NEFH: variants seen among roughly 807,000 people sequenced by gnomAD.
NEFH encodes neurofilament heavy polypeptide.
NEFH carries 58 observed loss-of-function variants against 56.6 expected under a neutral mutation model. The ratio of observed to expected loss-of-function variants is 1.03; its 90% CI spans 0.83 to 1.28. The LOEUF is 1.28. NEFH is among the 50% of genes most tolerant of loss of function. The pLI is 0.00. For missense variants in NEFH, 1,221 were observed against 1,307.6 expected (o/e 0.93, Z 1.02); for synonymous variants, 542 against 545.8 (o/e 0.99, Z 0.10).
intron 1 of NEFH, among the ~76,000 whole-genome samples, chr22:29,481,779 T>A (rs1404480453): frequency 4.6e-5 from 7 of 152,136 alleles, no homozygotes; most frequent in Non-Finnish European, 1.0e-4. Context: ...TGTTTTAATG[T>A]CCCCTTTCTC....
chr22:29,480,628 CCGCAGCCTGGAGGGCGAGGCTG>C lies in NEFH; in HGVS notation c.369_390del (p.Ser124ArgfsTer55). 6.4e-7 allele frequency: 1 copy of C among 1,563,932 alleles called. No individual in the cohort carries two copies. Among genetic ancestry groups the C allele is most frequent in the Non-Finnish European group, 8.6e-7 (1 of 1,164,554 alleles). On this transcript the variant is annotated frameshift_variant, in exon 1 of 4. Coordinates refer to ENST00000310624, the MANE Select transcript of NEFH (RefSeq NM_021076.4). LOFTEE classifies it high-confidence loss of function. ...AGGTGCGGCAGCTGGAGGCGCACAA[CCGCAGCCTGGAGGGCGAGGCTG>C]CGGCGCTGCGGCAGCAGCAGGCGGG... is the stretch of plus-strand genomic sequence containing the variant.
intron 3 of NEFH, among the ~76,000 whole-genome samples, chr22:29,487,207 CCT>C (rs2063049567): frequency 6.6e-6 from 1 of 152,088 alleles, no homozygotes; most frequent in Non-Finnish European, 1.5e-5. Flanking sequence ...GGACTGATTC[CCT>C]GAGGACTTGT....
Position 29,490,054 on chromosome 22 carries a change from A to C in NEFH, c.2414A>C (p.Glu805Ala), listed in dbSNP as rs165602. 250,032 of 1,613,862 alleles carry C rather than the reference A, an allele frequency of 0.15. 20,439 individuals are homozygous for C. Among genetic ancestry groups the C allele is most frequent in the South Asian group, 0.18 (16,218 of 91,068 alleles). The change falls in exon 4 of 4, where the codon GAG becomes GCG. Residue 805 changes from glutamate (E) to alanine (A), a missense_variant. Glu to Ala is a moderately radical substitution (Grantham distance 107). This residue lies in a region of NEFH where 301 missense variants were observed against 346.6 expected (regional missense o/e 0.87). Transcript: ENST00000310624. ...GAGAAGGCGAAATCTCCCCTGAAGG[A>C]GGATGCCAAGGCCCCTGAGAAGGAG... ...SPEKAKSPLK[E>A]DAKAPEKEIP... is the part of the protein sequence containing the mutation.
intron 3 of NEFH, among the ~76,000 whole-genome samples, chr22:29,486,719 C>T (rs377098009): frequency 2.3e-4 from 35 of 152,108 alleles, no homozygotes; most frequent in African/African-American, 7.5e-4. Flanking sequence ...GACTGGGTCT[C>T]GCTATGTTGG....
intron 3 of NEFH, among the ~76,000 whole-genome samples, chr22:29,487,971 C>T (rs982369801): frequency 6.6e-6 from 1 of 152,140 alleles, no homozygotes; most frequent in African/African-American, 2.4e-5. Flanking sequence ...CGGCCTCTAC[C>T]CTATTCCTGA....
chr22:29,485,887 G>T (rs764959146), intron 3 of NEFH, 40 bp downstream of exon 3: 1 of 1,613,168 alleles, frequency 6.2e-7, no homozygotes, highest in Non-Finnish European at 8.5e-7. Flanking sequence ...AAGAAAGCTT[G>T]TGTTCCTGCG....
chr22:29,483,291 A>T, intron 1 of NEFH, 84 bp from the exon 2 acceptor site: 2 of 1,281,206 alleles, frequency 1.6e-6, no homozygotes, highest in Non-Finnish European at 2.2e-6. Flanking sequence ...AAAAAAAAAA[A>T]GAAAAAGAAC....
At chr22:29,482,061 T>G (rs1419730042) in intron 1 of NEFH, among the ~76,000 whole-genome samples, 1 of 152,214 alleles carries the variant, frequency 6.6e-6, no homozygotes, top group Non-Finnish European at 1.5e-5. Context: ...CTTCAGTGAT[T>G]TTCCAAAAGC....
intron 2 of NEFH, 24 bp downstream of exon 2, chr22:29,483,598 C>G (rs769891215): frequency 1.2e-6 from 2 of 1,608,376 alleles, no homozygotes; most frequent in African/African-American, 1.3e-5. Context: ...AGGCAGACAG[C>G]CAGACTGCCT....
rs1444186238 is a variant in NEFH, at chr22:29,480,975, T to C, written c.713T>C (p.Val238Ala). Residue 238 changes from valine to alanine, a missense_variant, in exon 1 of 4, where the codon GTG becomes GCG. Transcript: ENST00000310624. ...GYLRRHHQEEVGELLGQIQGS... is the reference protein window; with the variant it reads ...GYLRRHHQEEAGELLGQIQGS... Reference sequence around the variant, plus strand: ...CTGCGGCGCCACCACCAGGAAGAGGTGGGCGAGCTGCTCGGCCAGATCCAG... The same window carrying C: ...CTGCGGCGCCACCACCAGGAAGAGGCGGGCGAGCTGCTCGGCCAGATCCAG... 9 of 1,531,146 alleles carry C rather than the reference T, an allele frequency of 5.9e-6. No individual in the cohort carries two copies. Among genetic ancestry groups the C allele is most frequent in the East Asian group, 2.5e-5 (1 of 40,488 alleles). 94.8% of individuals were successfully genotyped at this position (1,531,146 alleles called of 1,614,324 possible). A position where few individuals can be genotyped will look rare whatever the true frequency, so the allele number is the denominator to read the frequency against.
rs1413874523 is a variant in NEFH, at chr22:29,480,806, C to T, written c.544C>T (p.Arg182Cys). The T allele has an allele frequency of 7.1e-7, 1 of 1,405,188 alleles. No individual in the cohort carries two copies. The highest frequency in any genetic ancestry group is 1.5e-5 in the African/African-American group (1 of 65,566). 87.0% of individuals were successfully genotyped at this position (1,405,188 alleles called of 1,614,324 possible). The stretch of plus-strand genomic sequence containing the variant: ...CCTGCTCGAGGACATCGCGCACGTG[C>T]GCCAGCGCCTAGACGACGAGGCCCG... ...EHLLEDIAHV[R>C]QRLDDEARQR... The change falls in exon 1 of 4, where the codon CGC becomes TGC. Residue 182 changes from arginine to cysteine, a missense_variant. Around this residue, in one of 4 missense-constraint regions of NEFH, gnomAD observed 640 missense variants for 555.5 expected, o/e 1.15. Coordinates refer to ENST00000310624, the MANE Select transcript of NEFH (RefSeq NM_021076.4).
rs1454478292 is a variant in NEFH, at chr22:29,480,268, G to A, written c.6G>A (p.Met2Ile). M[M>I]SFGGADALLG... ...CTCGCGCACCTGCTCAGGCCATGATGAGCTTCGGCGGCGCGGACGCGCTGC... is the reference window on the plus strand; with the variant it reads ...CTCGCGCACCTGCTCAGGCCATGATAAGCTTCGGCGGCGCGGACGCGCTGC... The change falls in exon 1 of 4, where the codon ATG becomes ATA. Residue 2 changes from methionine (M) to isoleucine (I), a missense_variant. Coordinates refer to ENST00000310624, the MANE Select transcript of NEFH (RefSeq NM_021076.4). The A allele has an allele frequency of 1.3e-6, 2 of 1,511,280 alleles. No homozygotes were observed. The highest frequency in any genetic ancestry group is 1.2e-5 in the South Asian group (1 of 81,344). 93.6% of individuals were successfully genotyped at this position (1,511,280 alleles called of 1,614,324 possible). A position where few individuals can be genotyped will look rare whatever the true frequency, so the allele number is the denominator to read the frequency against.
chr22:29,489,022 C>G lies in NEFH; in HGVS notation c.1382C>G (p.Thr461Arg). Residue 461 changes from threonine (T) to arginine (R), a missense_variant, in exon 4 of 4, where the codon ACA becomes AGA. Physicochemically the swap from Thr to Arg is moderately conservative, Grantham distance 71 (BLOSUM62 -1). This residue lies in a region of NEFH where 243 missense variants were observed against 299.1 expected (regional missense o/e 0.81). Transcript: ENST00000310624. ...GAAACTGTGATTGTGGAGGAACAGA[C>G]AGAGGAGACCCAAGTGACTGAAGAA... ...EKETVIVEEQ[T>R]EETQVTEEVT... 1 of 1,614,032 alleles carries G rather than the reference C, an allele frequency of 6.2e-7. No homozygotes were observed. The highest frequency in any genetic ancestry group is 8.5e-7 in the Non-Finnish European group (1 of 1,180,022).
In NEFH at chr22:29,490,526, C is replaced by T; in HGVS notation, c.2886C>T (p.Ala962=). The stretch of plus-strand genomic sequence containing the variant: ...AAAAAGACACCAAGGAGGAGAAGGC[C>T]AAGAAGCCTGAGGAGAAACCCAAGA... ...PEKKDTKEEK[A]KKPEEKPKTE... The change falls in exon 4 of 4, where the codon GCC becomes GCT. Residue 962 remains alanine, a synonymous_variant. Transcript: ENST00000310624. 6.2e-7 allele frequency: 1 copy of T among 1,600,544 alleles called. No individual in the cohort carries two copies. The highest frequency in any genetic ancestry group is 1.1e-5 in the South Asian group (1 of 87,592).
intron 1 of NEFH, 82 bp from the exon 2 acceptor site, chr22:29,483,293 A>T: frequency 2.3e-6 from 3 of 1,289,090 alleles, no homozygotes; most frequent in Non-Finnish European, 3.3e-6. Flanking sequence ...AAAAAAAAAG[A>T]AAAAGAACAA....
At chr22:29,487,311 T>G (rs2146397947) in intron 3 of NEFH, among the ~76,000 whole-genome samples, 1 of 152,230 alleles carries the variant, frequency 6.6e-6, no homozygotes, top group East Asian at 1.9e-4. Flanking sequence ...CCAGCAGAAT[T>G]GGCATCATTC....
rs114263951 is a variant in NEFH, at chr22:29,489,380, C to T, written c.1740C>T (p.Ser580=). Residue 580 remains serine (S), a synonymous_variant, in exon 4 of 4, where the codon TCC becomes TCT. Transcript: ENST00000310624. ...CAAAATCTCCAGCTGAGGTCAAGTC[C>T]CCCGAGAAGGCCAAGTCCCCAGCAA... The part of the protein sequence containing the change: ...EEAKSPAEVK[S]PEKAKSPAKE... 15,302 of 1,611,668 alleles carry T rather than the reference C, an allele frequency of 9.5e-3. 110 individuals are homozygous for T. Among genetic ancestry groups the T allele is most frequent in the Middle Eastern group, 0.027 (164 of 6,036 alleles).
chr22:29,485,395 T>G (rs928217719), intron 2 of NEFH, among the ~76,000 whole-genome samples: 1 of 152,148 alleles, frequency 6.6e-6, no homozygotes, highest in Non-Finnish European at 1.5e-5. Context: ...GAGCCACCAC[T>G]CCCGGCCTCA....
chr22:29,481,010 G>T lies in NEFH; in HGVS notation c.748G>T (p.Ala250Ser), dbSNP rs971751859. 8 of 1,531,490 alleles carry T rather than the reference G, an allele frequency of 5.2e-6. No homozygotes were observed. In the Admixed American group the frequency reaches 5.9e-5, roughly 11 times the overall value. 94.9% of individuals were successfully genotyped at this position (1,531,490 alleles called of 1,614,324 possible). ...GCTCGGCCAGATCCAGGGCTCCGGC[G>T]CCGCGCAGGCGCAGATGCAGGCCGA... The part of the protein sequence containing the change: ...ELLGQIQGSG[A>S]AQAQMQAETR... Residue 250 changes from alanine to serine, a missense_variant, in exon 1 of 4, where the codon GCC (alanine) becomes TCC (serine). Physicochemically the swap from Ala to Ser is moderately conservative, Grantham distance 99. Transcript: ENST00000310624.
Sources: allele counts gnomAD v4.1 joint callset (sites outside exome capture counted in the v4.1 genomes callset), GRCh38; gene constraint gnomAD v4.1.1; regional missense constraint gnomAD v4.1.1; transcripts MANE v1.5; gene names NCBI Gene and HGNC (gene_info 2026-07-23, HGNC 2026-07-21).